Variants in CNOT3 observed in about 807,000 individuals in gnomAD.
CNOT3 encodes CCR4-NOT transcription complex subunit 3.
In CNOT3, 2 loss-of-function variants were observed where a neutral mutation model predicts 89.4. The observed-to-expected ratio is 0.02, with a 90% CI of 0.01 to 0.07. CNOT3 has a LOEUF of 0.07. CNOT3 is among the 10% of genes least tolerant of loss of function. CNOT3 has a pLI of 1.00. For synonymous variants in CNOT3, 486 were observed against 402.0 expected (o/e 1.21, Z -2.50); for missense variants, 664 against 1,010.2 (o/e 0.66, Z 4.65).
Position 54,143,702 on chromosome 19 carries a change from A to G in CNOT3, c.211A>G (p.Ile71Val). The G allele has an allele frequency of 1.2e-6, 2 of 1,613,928 alleles. No homozygotes were observed. Among genetic ancestry groups the G allele is most frequent in the Non-Finnish European group, 1.7e-6 (2 of 1,179,974 alleles). Residue 71 changes from isoleucine (I) to valine (V), a missense_variant, in exon 5 of 18, where the codon ATC becomes GTC. Coordinates refer to ENST00000221232, the MANE Select transcript of CNOT3 (RefSeq NM_014516.4). ...QIKTWVASNEIKDKRQLIDNR... is the reference protein window; with the variant it reads ...QIKTWVASNEVKDKRQLIDNR... ...CAAGACATGGGTAGCGTCCAACGAG[A>G]TCAAGGACAAGAGGCAGCTTATAGA... is the stretch of plus-strand genomic sequence containing the variant.
intron 16 of CNOT3, 112 bp downstream of exon 16, chr19:54,153,111 C>A: frequency 1.2e-6 from 1 of 862,706 alleles, no homozygotes. Context: ...CCACTGGGAC[C>A]GCACCCCCTC....
At position 54,148,492 on chromosome 19, in the gene CNOT3, C is replaced by T. The variant is rs917464339; in HGVS notation, c.1239C>T (p.Asn413=). The T allele has an allele frequency of 1.3e-6, 2 of 1,561,348 alleles. No individual in the cohort carries two copies. Among genetic ancestry groups the T allele is most frequent in the African/African-American group, 2.7e-5 (2 of 74,144 alleles). The change falls in exon 11 of 18, where the codon AAC becomes AAT. Residue 413 remains asparagine, a synonymous_variant. Coordinates refer to ENST00000221232, the MANE Select transcript of CNOT3 (RefSeq NM_014516.4). The surrounding 1 kb of genome is among the most constrained non-coding windows in gnomAD (Gnocchi z 6.3). ...GCGGAGGGAGCAGCAGCAGTAGTAA[C>T]AGCAGTGCCGGTGGAGGGGCTGGCA... ...SGGGGSSSSS[N]SSAGGGAGKQ... is the part of the protein sequence containing the mutation.
In CNOT3 at chr19:54,145,512, A is replaced by G. The variant is rs587597116; in HGVS notation, c.484-86A>G. On this transcript the variant is annotated intron_variant, in intron 7 of 17. Coordinates refer to ENST00000221232, the MANE Select transcript of CNOT3 (RefSeq NM_014516.4). This position sits in a 1 kb window ranked among gnomAD's most constrained non-coding sequence, Gnocchi z 5.9. ...GAGGCTTTGGGTCTCCACAGGGGTC[A>G]GGGACTGAGGACAGGTTCTGTGGGG... 15 of 917,248 alleles carry G rather than the reference A, an allele frequency of 1.6e-5. No individual in the cohort carries two copies. The South Asian group carries it at 2.1e-4, about 13-fold the overall frequency. The allele number at this position is 917,248 out of a possible 1,614,324, so 56.8% of individuals were successfully genotyped here.
chr19:54,149,589 G>A lies in CNOT3; in HGVS notation c.1436G>A (p.Gly479Glu), dbSNP rs766369311. The A allele has an allele frequency of 6.2e-7, 1 of 1,603,904 alleles. No individual in the cohort carries two copies. Among genetic ancestry groups the A allele is most frequent in the Non-Finnish European group, 8.5e-7 (1 of 1,173,982 alleles). The part of the protein sequence containing the change: ...SKEPSAAAPT[G>E]AGGVAPGSGN... ...GAACCCAGTGCGGCAGCCCCAACGGGGGCTGGGGGCGTGGCCCCAGGCTCA... is the reference window on the plus strand; with the variant it reads ...GAACCCAGTGCGGCAGCCCCAACGGAGGCTGGGGGCGTGGCCCCAGGCTCA... The change falls in exon 13 of 18, where the codon GGG becomes GAG. Residue 479 changes from glycine (G) to glutamate (E), a missense_variant. This residue lies in a region of CNOT3 where 545 missense variants were observed against 566.2 expected (regional missense o/e 0.96). Coordinates refer to ENST00000221232, the MANE Select transcript of CNOT3 (RefSeq NM_014516.4).
Position 54,144,193 on chromosome 19 carries a change from C to T in CNOT3, c.388-44C>T, listed in dbSNP as rs1182438203. On this transcript the variant is annotated intron_variant, in intron 6 of 17. Transcript: ENST00000221232. This position sits in a 1 kb window ranked among gnomAD's most constrained non-coding sequence, Gnocchi z 4.8. ...GAGGATCCTGAGCCCTGGGTGTAGG[C>T]GGAACCCTAGCTGATGGGCTTCCTC... is the stretch of plus-strand genomic sequence containing the variant. 7.4e-6 allele frequency: 12 copies of T among 1,612,490 alleles called. No individual in the cohort carries two copies. Among genetic ancestry groups the T allele is most frequent in the African/African-American group, 6.7e-5 (5 of 74,880 alleles).
chr19:54,145,438 C>G lies in CNOT3; in HGVS notation c.484-160C>G, dbSNP rs1449212744. ...GGCTAAGATTGGTCCCCACAGGGCT[C>G]AGAGGGTGGGTGGACCCCATACTGC... is the stretch of plus-strand genomic sequence containing the variant. On this transcript the variant is annotated intron_variant, in intron 7 of 17. Transcript: ENST00000221232. The surrounding 1 kb of genome is among the most constrained non-coding windows in gnomAD (Gnocchi z 5.9). The G allele has an allele frequency of 3.2e-6, 2 of 616,226 alleles. No individual in the cohort carries two copies. The highest frequency in any genetic ancestry group is 1.9e-5 in the South Asian group (1 of 52,220). The allele number at this position is 616,226 out of a possible 1,614,324, so 38.2% of individuals were successfully genotyped here. A position where few individuals can be genotyped will look rare whatever the true frequency, so the allele number is the denominator to read the frequency against.
In CNOT3 at chr19:54,145,980, C is replaced by G; in HGVS notation, c.774C>G (p.Ser258Arg). ...AGGATGAGATCTTCAACCAGTCCAG[C>G]AGCACGCCCACCTCAACCACCTCCA... ...HMEDEIFNQS[S>R]STPTSTTSSS... Residue 258 changes from serine (S) to arginine (R), a missense_variant, in exon 9 of 18, where the codon AGC becomes AGG. Ser to Arg is a moderately radical substitution (Grantham distance 110). Around this residue, in one of 8 missense-constraint regions of CNOT3, gnomAD observed 545 missense variants for 566.2 expected, o/e 0.96. Transcript: ENST00000221232. This position sits in a 1 kb window ranked among gnomAD's most constrained non-coding sequence, Gnocchi z 5.9. 6.2e-7 allele frequency: 1 copy of G among 1,613,972 alleles called. No homozygotes were observed. Among genetic ancestry groups the G allele is most frequent in the Non-Finnish European group, 8.5e-7 (1 of 1,179,930 alleles).
chr19:54,143,787 G>A, intron 5 of CNOT3, 38 bp downstream of exon 5: 2 of 1,593,022 alleles, frequency 1.3e-6, no homozygotes, highest in South Asian at 1.1e-5. Flanking sequence ...GAGGTGGGAA[G>A]GTCACCAGAT....
At position 54,142,956 on chromosome 19, in the gene CNOT3, A is replaced by G. The variant is rs1202834211; in HGVS notation, c.-23A>G. 1 of 1,613,098 alleles carries G rather than the reference A, an allele frequency of 6.2e-7. No homozygotes were observed. The highest frequency in any genetic ancestry group is 1.1e-5 in the South Asian group (1 of 91,064). ...TCCGTCTCCAAGAGAGTATGAAGAGAGTGCGTCTGTAGGGCAGGGAAGATG... is the reference window on the plus strand; with the variant it reads ...TCCGTCTCCAAGAGAGTATGAAGAGGGTGCGTCTGTAGGGCAGGGAAGATG... On this transcript the variant is annotated 5_prime_UTR_variant, in exon 2 of 18. Transcript: ENST00000221232.
At chr19:54,139,513 G>A (rs1438587262) in intron 1 of CNOT3, among the ~76,000 whole-genome samples, 1 of 152,032 alleles carries the variant, frequency 6.6e-6, no homozygotes, top group Non-Finnish European at 1.5e-5. Context: ...TTCTCTCCAG[G>A]GTAAGGACCC....
rs138798800 is a variant in CNOT3 at position 54,144,790 on chromosome 19, G to A, written c.483+458G>A. Among the ~76,000 whole-genome samples the A allele has an allele frequency of 2.7e-3, 413 of 152,312 alleles. No homozygotes were observed. Among genetic ancestry groups the A allele is most frequent in the Non-Finnish European group, 4.6e-3 (316 of 68,018 alleles). ...AAGACAGGAGTCTGGGACAAAGCTG[G>A]ATGTTGGGGTCCCAGGTTCTAAAAT... On this transcript the variant is annotated intron_variant, in intron 7 of 17. Transcript: ENST00000221232. This position sits in a 1 kb window ranked among gnomAD's most constrained non-coding sequence, Gnocchi z 4.8.
At position 54,142,916 on chromosome 19, in the gene CNOT3, T is replaced by C; in HGVS notation, c.-50-13T>C. 3.9e-6 allele frequency: 6 copies of C among 1,545,654 alleles called. No homozygotes were observed. Among genetic ancestry groups the C allele is most frequent in the Non-Finnish European group, 4.5e-6 (5 of 1,119,284 alleles). ...GGAATACGTGTTAATTCCTCTCCAA[T>C]CTCTCCTAGCAGCGTCCGTCTCCAA... On this transcript the variant is annotated splice_polypyrimidine_tract_variant and intron_variant, in intron 1 of 17. Coordinates refer to ENST00000221232, the MANE Select transcript of CNOT3 (RefSeq NM_014516.4).
At position 54,145,484 on chromosome 19, in the gene CNOT3, G is replaced by A. The variant is rs587637420; in HGVS notation, c.484-114G>A. On this transcript the variant is annotated intron_variant, in intron 7 of 17. Coordinates refer to ENST00000221232, the MANE Select transcript of CNOT3 (RefSeq NM_014516.4). This position sits in a 1 kb window ranked among gnomAD's most constrained non-coding sequence, Gnocchi z 5.9. ...ACTGCCCCACCCCGAAGGGGATGGC[G>A]TGGAGGCTTTGGGTCTCCACAGGGG... is the stretch of plus-strand genomic sequence containing the variant. 7.4e-5 allele frequency: 53 copies of A among 718,196 alleles called. No homozygotes were observed. The highest frequency in any genetic ancestry group is 3.5e-4 in the East Asian group (13 of 37,120). 44.5% of individuals were successfully genotyped at this position (718,196 alleles called of 1,614,324 possible).
At chr19:54,146,195 G>C (rs587718960) in intron 9 of CNOT3, 152 bp downstream of exon 9, 2 of 817,086 alleles carry the variant, frequency 2.4e-6, no homozygotes, top group Non-Finnish European at 3.8e-6. Flanking sequence ...CACACGCTAA[G>C]GTCCTATATC....
chr19:54,149,536 C>T lies in CNOT3; in HGVS notation c.1407-24C>T, dbSNP rs779218662. 8.0e-6 allele frequency: 12 copies of T among 1,498,444 alleles called. 1 individual carries two copies. In the South Asian group the frequency reaches 1.3e-4, roughly 16 times the overall value. 92.8% of individuals were successfully genotyped at this position (1,498,444 alleles called of 1,614,324 possible). Reference sequence around the variant, plus strand: ...ACCCTCAGGGACCCTCCTCTCAACCCCCTCTTCCATGCTCTCTCTCCAGGA... The same window carrying T: ...ACCCTCAGGGACCCTCCTCTCAACCTCCTCTTCCATGCTCTCTCTCCAGGA... On this transcript the variant is annotated intron_variant, in intron 12 of 17. Transcript: ENST00000221232.
At chr19:54,142,454 C>CACACACACACACACACACA in intron 1 of CNOT3, 1 of 23,018 alleles carries the variant, frequency 4.3e-5, no homozygotes, top group South Asian at 3.9e-4. Flanking sequence ...ACACACACGC[C>CACACACACACACACACACA]CTTCTCTGTG....
chr19:54,153,852 G>A lies in CNOT3; in HGVS notation c.2163+12G>A, dbSNP rs376123450. Reference sequence around the variant, plus strand: ...ACGAGTTTGAGCAGGTGAGGGCCCCGCCCCCTCTCTTCCCGCTGCTAGGGT... The same window carrying A: ...ACGAGTTTGAGCAGGTGAGGGCCCCACCCCCTCTCTTCCCGCTGCTAGGGT... On this transcript the variant is annotated intron_variant, in intron 17 of 17. Coordinates refer to ENST00000221232, the MANE Select transcript of CNOT3 (RefSeq NM_014516.4). 6.2e-6 allele frequency: 10 copies of A among 1,613,896 alleles called. No individual in the cohort carries two copies. The highest frequency in any genetic ancestry group is 2.2e-5 in the East Asian group (1 of 44,892).
Position 54,152,124 on chromosome 19 carries a change from C to T in CNOT3, c.1606-102C>T, listed in dbSNP as rs189705600. 1.2e-3 allele frequency: 1,483 copies of T among 1,259,554 alleles called. 2 individuals are homozygous for T. The highest frequency in any genetic ancestry group is 1.9e-3 in the Middle Eastern group (7 of 3,714). 78.0% of individuals were successfully genotyped at this position (1,259,554 alleles called of 1,614,324 possible). On this transcript the variant is annotated intron_variant, in intron 13 of 17. Coordinates refer to ENST00000221232, the MANE Select transcript of CNOT3 (RefSeq NM_014516.4). ...TGGGGAGTGGGTCGTTGGCCCTCCACGGCCCCCAAACAGGGCAGGTGAGAG... is the reference window on the plus strand; with the variant it reads ...TGGGGAGTGGGTCGTTGGCCCTCCATGGCCCCCAAACAGGGCAGGTGAGAG...
chr19:54,144,335 G>GAGTGAGGGAGA lies in CNOT3; in HGVS notation c.483+4_483+14dup, dbSNP rs1289578496. 3 of 1,609,920 alleles carry GAGTGAGGGAGA rather than the reference G, an allele frequency of 1.9e-6. No homozygotes were observed. Among genetic ancestry groups the GAGTGAGGGAGA allele is most frequent in the Admixed American group, 3.3e-5 (2 of 59,990 alleles). On this transcript the variant is annotated splice_donor_region_variant and intron_variant, in intron 7 of 17. Transcript: ENST00000221232. The surrounding 1 kb of genome is among the most constrained non-coding windows in gnomAD (Gnocchi z 4.8). ...GCAAGAAGAAGGGCGACAAGGATGT[G>GAGTGAGGGAGA]AGTGAGGGAGACCCGACACCTTTGG...
Sources: gnomAD v4.1 joint callset for allele counts (sites outside exome capture counted in the v4.1 genomes callset) on GRCh38, gnomAD v4.1.1 for gene constraint, gnomAD v4.1.1 regional missense constraint, Gnocchi (gnomAD v3.1) non-coding constraint, MANE v1.5 for transcripts, NCBI Gene and HGNC (gene_info 2026-07-23, HGNC 2026-07-21) for gene names.